Variants in ITGA1 observed in about 807,000 individuals in gnomAD.
ITGA1 encodes integrin alpha-1.
ITGA1 carries 85 observed loss-of-function variants against 145.9 expected under a neutral mutation model. The ratio of observed to expected loss-of-function variants is 0.58; its 90% CI spans 0.49 to 0.70. The LOEUF is 0.70. ITGA1 is among the 30% of genes least tolerant of loss of function. The pLI is 0.00. For missense variants in ITGA1, 1,351 were observed against 1,418.7 expected (o/e 0.95, Z 0.77); for synonymous variants, 520 against 495.3 (o/e 1.05, Z -0.66).
chr5:52,837,605 C>G (rs1472902578), intron 1 of ITGA1, among the ~76,000 whole-genome samples: 1 of 151,944 alleles, frequency 6.6e-6, no homozygotes, highest in Non-Finnish European at 1.5e-5. Flanking sequence ...TGTTGTGATT[C>G]TAAGTATCAG....
chr5:52,937,665 T>G, intron 24 of ITGA1, 151 bp downstream of exon 24: 1 of 623,662 alleles, frequency 1.6e-6, no homozygotes, highest in Non-Finnish European at 2.9e-6. Context: ...TAATAATAGA[T>G]GTATTATTCC....
chr5:52,935,600 G>A (rs1750954544), intron 23 of ITGA1, among the ~76,000 whole-genome samples: 1 of 152,088 alleles, frequency 6.6e-6, no homozygotes, highest in Non-Finnish European at 1.5e-5. Context: ...TCTGCTTCCT[G>A]CAGTTGTTAA....
chr5:52,888,069 G>C, intron 8 of ITGA1, 104 bp downstream of exon 8: 1 of 1,203,966 alleles, frequency 8.3e-7, no homozygotes, highest in Non-Finnish European at 1.2e-6. Context: ...TTGGAAAAGA[G>C]AAAGGTCTCC....
intron 12 of ITGA1, 140 bp from the exon 13 acceptor site, chr5:52,908,758 G>A (rs926614550): frequency 7.4e-6 from 6 of 814,676 alleles, no homozygotes; most frequent in African/African-American, 1.7e-5. Flanking sequence ...TAACTTTCAG[G>A]GAGCATCAAT....
At chr5:52,917,915 C>A (rs1750672155) in intron 15 of ITGA1, among the ~76,000 whole-genome samples, 1 of 152,102 alleles carries the variant, frequency 6.6e-6, no homozygotes, top group Admixed American at 6.6e-5. Context: ...GTAGTGACCT[C>A]ATTATTCACA....
intron 1 of ITGA1, among the ~76,000 whole-genome samples, chr5:52,829,116 G>A (rs1384166565): frequency 6.6e-6 from 1 of 152,146 alleles, no homozygotes; most frequent in African/African-American, 2.4e-5. Context: ...TACAGATACC[G>A]ATACCGGGGA....
In ITGA1 at chr5:52,881,968, A is replaced by C; in HGVS notation, c.720A>C (p.Ile240=). 6.2e-7 allele frequency: 1 copy of C among 1,613,998 alleles called. No individual in the cohort carries two copies. The highest frequency in any genetic ancestry group is 8.5e-7 in the Non-Finnish European group (1 of 1,179,914). Residue 240 remains isoleucine, a synonymous_variant, in exon 7 of 29, where the codon ATA becomes ATC. Coordinates refer to ENST00000282588, the MANE Select transcript of ITGA1 (RefSeq NM_181501.2). ...AGGTACTTGTTGCAGCAAAGAAAAT[A>C]GTCCAGAGAGGTGGCCGCCAGACTA... ...TEEVLVAAKK[I]VQRGGRQTMT... is the part of the protein sequence containing the mutation.
chr5:52,829,473 GA>G (rs910233602), intron 1 of ITGA1, among the ~76,000 whole-genome samples: 12 of 151,756 alleles, frequency 7.9e-5, no homozygotes, highest in South Asian at 2.1e-4. Flanking sequence ...GGTTAAGGAG[GA>G]AAAAAAATTC....
chr5:52,888,691 C>T (rs1254891069), intron 8 of ITGA1, among the ~76,000 whole-genome samples: 1 of 152,230 alleles, frequency 6.6e-6, no homozygotes, highest in Admixed American at 6.5e-5. Context: ...TACTTCAGAG[C>T]TAGCTCTAGT....
chr5:52,805,525 T>C (rs1748575021), intron 1 of ITGA1, among the ~76,000 whole-genome samples: 2 of 152,062 alleles, frequency 1.3e-5, no homozygotes, highest in South Asian at 2.1e-4. Flanking sequence ...TTTAGAGTTA[T>C]GGAAAAAAGT....
At chr5:52,944,873 T>C in intron 26 of ITGA1, 70 bp from the exon 27 acceptor site, 2 of 1,020,508 alleles carry the variant, frequency 2.0e-6, no homozygotes, top group South Asian at 1.4e-5. Flanking sequence ...ATAAATGTCC[T>C]ACTCAAACAT....
At chr5:52,837,812 T>C (rs1749185015) in intron 1 of ITGA1, among the ~76,000 whole-genome samples, 1 of 152,018 alleles carries the variant, frequency 6.6e-6, no homozygotes, top group African/African-American at 2.4e-5. Flanking sequence ...AAGATCATCC[T>C]GGTCTTAGCA....
chr5:52,946,371 T>C (rs1314350817), intron 27 of ITGA1, among the ~76,000 whole-genome samples: 3 of 152,134 alleles, frequency 2.0e-5, no homozygotes, highest in African/African-American at 7.2e-5. Context: ...CCATCTGTGT[T>C]TTGTTTTGTT....
intron 1 of ITGA1, among the ~76,000 whole-genome samples, chr5:52,836,921 G>A (rs1749170731): frequency 6.6e-6 from 1 of 151,880 alleles, no homozygotes; most frequent in South Asian, 2.1e-4. Flanking sequence ...AAATTTAAAG[G>A]CATTTTTATC....
chr5:52,885,488 AG>A (rs1750032560), intron 7 of ITGA1, among the ~76,000 whole-genome samples: 1 of 152,212 alleles, frequency 6.6e-6, no homozygotes. Context: ...ACCTCTCACC[AG>A]TATTGCTCAG....
In ITGA1 at chr5:52,937,509, T is replaced by A. The variant is rs778915079; in HGVS notation, c.3073T>A (p.Ser1025Thr). The A allele has an allele frequency of 6.3e-7, 1 of 1,584,154 alleles. No individual in the cohort carries two copies. Among genetic ancestry groups the A allele is most frequent in the South Asian group, 1.1e-5 (1 of 90,246 alleles). The change falls in exon 24 of 29, where the codon TCT becomes ACT. Residue 1025 changes from serine (S) to threonine (T), a missense_variant. Physicochemically the swap from Ser to Thr is moderately conservative, Grantham distance 58. Coordinates refer to ENST00000282588, the MANE Select transcript of ITGA1 (RefSeq NM_181501.2). Reference sequence around the variant, plus strand: ...GCTGTACCCAACTGGATTGTCATCTTCTGAGGTAAGTCATGTGTGCCTTGG... The same window carrying A: ...GCTGTACCCAACTGGATTGTCATCTACTGAGGTAAGTCATGTGTGCCTTGG... ...PVLYPTGLSSSENANCRPHIF... is the reference protein window; with the variant it reads ...PVLYPTGLSSTENANCRPHIF...
chr5:52,808,745 C>G (rs775110568), intron 1 of ITGA1, among the ~76,000 whole-genome samples: 1 of 125,404 alleles, frequency 8.0e-6, no homozygotes, highest in Non-Finnish European at 1.6e-5. Flanking sequence ...CAGTACATGG[C>G]TCTGAATCAC....
chr5:52,793,565 A>G (rs893334785), intron 1 of ITGA1, among the ~76,000 whole-genome samples: 1 of 152,098 alleles, frequency 6.6e-6, no homozygotes, highest in South Asian at 2.1e-4. Flanking sequence ...TGAAAATTAC[A>G]ATCAATAATA....
At chr5:52,803,734 A>C (rs1350380509) in intron 1 of ITGA1, 1 of 152,226 alleles carries the variant, frequency 6.6e-6, no homozygotes, top group Non-Finnish European at 1.5e-5. Flanking sequence ...GTAAACCAGC[A>C]GCATCCCTGA....
Sources: allele counts gnomAD v4.1 joint callset (sites outside exome capture counted in the v4.1 genomes callset), GRCh38; gene constraint gnomAD v4.1.1; transcripts MANE v1.5; gene names NCBI Gene and HGNC (gene_info 2026-07-23, HGNC 2026-07-21).